Variants in GPC3 observed in about 807,000 individuals in gnomAD.
GPC3 encodes glypican 3, also known as glypican-3.
Under a neutral mutation model 34.4 loss-of-function variants are expected in GPC3, and 3 were observed. That is an observed-to-expected ratio of 0.09 (90% confidence interval 0.04 to 0.23). The LOEUF is 0.23. Ranked by LOEUF, GPC3 falls within the 10% of genes least tolerant of loss-of-function variation. The pLI, the probability that GPC3 is intolerant of heterozygous loss-of-function variation, is 1.00. For missense variants in GPC3, 351 were observed against 445.6 expected, an observed-to-expected ratio of 0.79 and a Z score of 1.91; for synonymous variants, 177 against 174.0, an observed-to-expected ratio of 1.02 and a Z score of -0.13.
intron 1 of GPC3, among the ~76,000 whole-genome samples, chrX:133,955,872 A>G (rs1383768955): frequency 8.9e-6 from 1 of 112,069 alleles, no homozygotes; most frequent in Admixed American, 9.4e-5. Context: ...TTTTTAAAAA[A>G]TGAGGGGAGA....
chrX:133,643,885 T>A (rs2070512311), intron 6 of GPC3, among the ~76,000 whole-genome samples: 1 of 106,460 alleles, frequency 9.4e-6, no homozygotes, highest in Non-Finnish European at 1.9e-5. Context: ...TGGAGTGCAG[T>A]GGCGCGATCT....
At chrX:133,661,431 T>C (rs1313202350) in intron 6 of GPC3, among the ~76,000 whole-genome samples, 4 of 111,197 alleles carry the variant, frequency 3.6e-5, no homozygotes, top group Non-Finnish European at 5.7e-5. Context: ...TGCAATATTG[T>C]CTTTATAATT....
At chrX:133,644,654 TAC>T (rs10557948) in intron 6 of GPC3, among the ~76,000 whole-genome samples, 4,826 of 112,152 alleles carry the variant, frequency 0.043, 253 homozygotes, top group African/African-American at 0.15. Flanking sequence ...TTATTCCACA[TAC>T]ATATATATGC....
chrX:133,704,095 C>T, intron 3 of GPC3: 1 of 373,450 alleles, frequency 2.7e-6, no homozygotes, highest in Non-Finnish European at 4.4e-6. Flanking sequence ...TGGTCTAGAT[C>T]ATGCAGAGCC....
At chrX:133,579,957 T>C (rs2069718823) in intron 7 of GPC3, among the ~76,000 whole-genome samples, 1 of 112,812 alleles carries the variant, frequency 8.9e-6, no homozygotes, top group East Asian at 2.8e-4. Flanking sequence ...GGCTAAGTGC[T>C]TTATGTATAT....
intron 2 of GPC3, among the ~76,000 whole-genome samples, chrX:133,909,258 C>T (rs1335609651): frequency 8.9e-6 from 1 of 112,553 alleles, no homozygotes; most frequent in African/African-American, 3.2e-5. Flanking sequence ...TGTGAATCTG[C>T]CTAATTACTA....
chrX:133,678,174 T>G (rs1949612529), intron 5 of GPC3, among the ~76,000 whole-genome samples: 1 of 111,833 alleles, frequency 8.9e-6, no homozygotes, highest in Admixed American at 9.5e-5. Flanking sequence ...TTGTTGAGAA[T>G]TAGTCAATGC....
At chrX:133,609,711 C>T (rs1401566553) in intron 6 of GPC3, among the ~76,000 whole-genome samples, 1 of 111,879 alleles carries the variant, frequency 8.9e-6, no homozygotes. Flanking sequence ...ATGTTTTTTC[C>T]ACAGTTGTAA....
chrX:133,839,329 A>C (rs750308514), intron 2 of GPC3, among the ~76,000 whole-genome samples: 1 of 111,789 alleles, frequency 8.9e-6, no homozygotes, highest in Non-Finnish European at 1.9e-5. Flanking sequence ...GACTTTTATC[A>C]GGGGGGTCTG....
chrX:133,697,864 T>C (rs1420614548), intron 4 of GPC3, among the ~76,000 whole-genome samples: 1 of 111,904 alleles, frequency 8.9e-6, no homozygotes, highest in African/African-American at 3.3e-5. Context: ...CTTTTGTTCT[T>C]TTCTTTCTAG....
intron 2 of GPC3, among the ~76,000 whole-genome samples, chrX:133,914,031 C>G (rs968332761): frequency 1.8e-5 from 2 of 110,766 alleles, no homozygotes; most frequent in Non-Finnish European, 3.8e-5. Flanking sequence ...CGCCCCACCC[C>G]AAAAGCAGAG....
intron 6 of GPC3, among the ~76,000 whole-genome samples, chrX:133,656,531 A>G (rs1056489534): frequency 3.6e-5 from 4 of 112,148 alleles, no homozygotes; most frequent in Admixed American, 9.5e-5. Flanking sequence ...AGATCACGTT[A>G]TCTAATGGAT....
At chrX:133,565,620 T>A (rs2069575613) in intron 7 of GPC3, among the ~76,000 whole-genome samples, 1 of 112,195 alleles carries the variant, frequency 8.9e-6, no homozygotes, top group African/African-American at 3.2e-5. Context: ...TAGGTTCCTG[T>A]GCCATCAACA....
At chrX:133,672,686 T>C (rs889631504) in intron 5 of GPC3, among the ~76,000 whole-genome samples, 18 of 112,405 alleles carry the variant, frequency 1.6e-4, no homozygotes, top group Non-Finnish European at 2.1e-4. Context: ...AGTCTTGCTC[T>C]GTCGCCCAGG....
chrX:133,906,099 C>T (rs2076166577), intron 2 of GPC3, among the ~76,000 whole-genome samples: 2 of 111,969 alleles, frequency 1.8e-5, no homozygotes, highest in South Asian at 7.5e-4. Flanking sequence ...TCTATTCTGG[C>T]TGTACCCCTA....
intron 2 of GPC3, among the ~76,000 whole-genome samples, chrX:133,830,702 A>AC (rs1232204143): frequency 5.1e-4 from 55 of 108,029 alleles, no homozygotes; most frequent in African/African-American, 1.8e-3. Flanking sequence ...AAAAAAAAAA[A>AC]AAAACATACA....
chrX:133,711,066 C>T (rs1245664748), intron 3 of GPC3, among the ~76,000 whole-genome samples: 3 of 112,088 alleles, frequency 2.7e-5, no homozygotes, highest in Non-Finnish European at 5.6e-5. Flanking sequence ...TTACCTCCTA[C>T]TCAATTGCTC....
At chrX:133,739,683 TA>T (rs368570736) in intron 3 of GPC3, among the ~76,000 whole-genome samples, 15 of 99,987 alleles carry the variant, frequency 1.5e-4, no homozygotes, top group South Asian at 4.5e-4. Context: ...CTGTCTCTAC[TA>T]AAAAAAAAAC....
Position 133,795,321 on chromosome X carries a change from G to A in GPC3, c.338-41145C>T, listed in dbSNP as rs745471307. 1.7e-4 allele frequency among the ~76,000 whole-genome samples: 19 copies of A among 112,397 alleles called. No homozygotes were observed. In the South Asian group the frequency reaches 7.1e-3, roughly 42 times the overall value. ...TCAGGGACCATGTCTTCCCCTTGTG[G>A]TAATTCACATAAAGTGGTCATAGCC... On this transcript the variant is annotated intron_variant, in intron 2 of 7. Transcript: ENST00000370818.
Sources: gnomAD v4.1 joint callset for allele counts (sites outside exome capture counted in the v4.1 genomes callset) on GRCh38, gnomAD v4.1.1 for gene constraint, MANE v1.5 for transcripts, NCBI Gene and HGNC (gene_info 2026-07-23, HGNC 2026-07-21) for gene names.